GTF2E2: variants seen among roughly 807,000 people sequenced by gnomAD.
GTF2E2 encodes general transcription factor IIE subunit 2.
Under a neutral mutation model 40.5 loss-of-function variants are expected in GTF2E2, and 21 were observed. That is an observed-to-expected ratio of 0.52 (90% CI 0.37 to 0.75). The LOEUF (loss-of-function observed/expected upper bound fraction) is 0.75. GTF2E2 is among the 30% of genes least tolerant of loss of function. GTF2E2 has a pLI of 0.00. For synonymous variants in GTF2E2, 117 were observed against 121.6 expected (o/e 0.96, Z 0.25); for missense variants, 298 against 338.4 (o/e 0.88, Z 0.94).
intron 3 of GTF2E2, among the ~76,000 whole-genome samples, chr8:30,630,648 T>C (rs1585984852): frequency 6.6e-6 from 1 of 152,046 alleles, no homozygotes; most frequent in Admixed American, 6.6e-5. Flanking sequence ...TCACCTCCAT[T>C]CAGAATTTGT....
At chr8:30,654,168 T>C (rs889348794) in intron 1 of GTF2E2, among the ~76,000 whole-genome samples, 2 of 151,876 alleles carry the variant, frequency 1.3e-5, no homozygotes, top group Admixed American at 6.6e-5. Context: ...TCCAATATAT[T>C]AGCCACTAGC....
intron 3 of GTF2E2, among the ~76,000 whole-genome samples, chr8:30,617,402 GC>G (rs893140329): frequency 2.0e-5 from 3 of 152,162 alleles, no homozygotes; most frequent in African/African-American, 7.2e-5. Flanking sequence ...TGCCTTTAGA[GC>G]AGAAGAGCTC....
At chr8:30,643,270 C>G (rs1299496843) in intron 2 of GTF2E2, among the ~76,000 whole-genome samples, 1 of 152,040 alleles carries the variant, frequency 6.6e-6, no homozygotes, top group African/African-American at 2.4e-5. Context: ...TCTAGGTGAA[C>G]GATGCCTTGA....
chr8:30,650,524 T>C (rs1231475341), intron 2 of GTF2E2, among the ~76,000 whole-genome samples: 30 of 41,908 alleles, frequency 7.2e-4, no homozygotes, highest in East Asian at 1.6e-3. Context: ...ACCCCATCTC[T>C]ACCAAAAAAA....
chr8:30,606,820 G>C (rs911681784), intron 6 of GTF2E2, among the ~76,000 whole-genome samples: 9 of 152,124 alleles, frequency 5.9e-5, no homozygotes, highest in Admixed American at 2.0e-4. Flanking sequence ...TAAACATTAA[G>C]AAATCCTGAA....
chr8:30,601,978 A>C (rs1829192578), intron 6 of GTF2E2, among the ~76,000 whole-genome samples: 1 of 151,524 alleles, frequency 6.6e-6, no homozygotes, highest in Admixed American at 6.6e-5. Flanking sequence ...CATTCCATTT[A>C]CATTCTAGGG....
intron 6 of GTF2E2, 123 bp from the exon 7 acceptor site, chr8:30,580,519 T>G (rs1257716969): frequency 4.6e-6 from 3 of 648,528 alleles, no homozygotes; most frequent in Non-Finnish European, 8.3e-6. Flanking sequence ...TATGTCATCA[T>G]GAAACAAGTC....
At chr8:30,638,824 G>A (rs1801702829) in intron 2 of GTF2E2, among the ~76,000 whole-genome samples, 1 of 152,146 alleles carries the variant, frequency 6.6e-6, no homozygotes, top group African/African-American at 2.4e-5. Context: ...TGTGCTATTT[G>A]ATAAGCACCC....
chr8:30,612,400 C>T lies in GTF2E2; in HGVS notation c.448G>A (p.Ala150Thr). 3 of 1,611,392 alleles carry T rather than the reference C, an allele frequency of 1.9e-6. No homozygotes were observed. Among genetic ancestry groups the T allele is most frequent in the Non-Finnish European group, 2.5e-6 (3 of 1,177,600 alleles). ...TGCTGATCTAAGAGCCTAAGTAGGGCCTTCTTATCTCTCACGTTGTACTTG... is the reference window on the plus strand; with the variant it reads ...TGCTGATCTAAGAGCCTAAGTAGGGTCTTCTTATCTCTCACGTTGTACTTG... ...KPKYNVRDKK[A>T]LLRLLDQHDQ... is the part of the protein sequence containing the mutation. The change falls in exon 5 of 8, where the codon GCC (alanine) becomes ACC (threonine). Residue 150 changes from alanine (A) to threonine (T), a missense_variant. Transcript: ENST00000355904.
At chr8:30,636,857 T>TAAAAA in intron 2 of GTF2E2, 1 of 295,560 alleles carries the variant, frequency 3.4e-6, no homozygotes, top group South Asian at 2.5e-5. Context: ...GTCTCAAAAT[T>TAAAAA]AAAAAAAAAA....
intron 1 of GTF2E2, among the ~76,000 whole-genome samples, chr8:30,655,294 T>C (rs1193191800): frequency 6.6e-6 from 1 of 151,908 alleles, no homozygotes; most frequent in East Asian, 1.9e-4. Context: ...GTTCTAAAAT[T>C]ACAACTCAAA....
intron 6 of GTF2E2, among the ~76,000 whole-genome samples, chr8:30,604,534 T>A (rs1297020788): frequency 1.3e-5 from 2 of 152,242 alleles, no homozygotes; most frequent in Non-Finnish European, 2.9e-5. Context: ...CACAGTGGAA[T>A]ACTAACCAGC....
At chr8:30,579,721 C>A (rs1427734155) in intron 7 of GTF2E2, among the ~76,000 whole-genome samples, 2 of 152,096 alleles carry the variant, frequency 1.3e-5, no homozygotes, top group Non-Finnish European at 2.9e-5. Flanking sequence ...GTGAATCATC[C>A]CCCCGGGCTT....
intron 7 of GTF2E2, 59 bp from the exon 8 acceptor site, chr8:30,579,096 A>C: frequency 2.2e-6 from 2 of 912,834 alleles, no homozygotes; most frequent in South Asian, 2.6e-5. Flanking sequence ...TGGTGTGGCC[A>C]GGATGTTCTG....
At chr8:30,614,849 A>T in intron 3 of GTF2E2, 134 bp from the exon 4 acceptor site, 1 of 580,740 alleles carries the variant, frequency 1.7e-6, no homozygotes, top group Non-Finnish European at 3.0e-6. Flanking sequence ...AGTGACGAAG[A>T]GCCATAGACC....
chr8:30,614,935 C>T (rs922958124), intron 3 of GTF2E2, among the ~76,000 whole-genome samples: 2 of 151,754 alleles, frequency 1.3e-5, no homozygotes, highest in Admixed American at 6.6e-5. Flanking sequence ...ATATGCAACT[C>T]GTATCACCAA....
intron 6 of GTF2E2, among the ~76,000 whole-genome samples, chr8:30,599,118 T>C (rs540718540): frequency 6.6e-6 from 1 of 152,346 alleles, no homozygotes; most frequent in Admixed American, 6.5e-5. Context: ...TTCTCATTTA[T>C]TACTGTGGAG....
intron 6 of GTF2E2, among the ~76,000 whole-genome samples, chr8:30,590,425 A>T (rs1828812122): frequency 6.6e-6 from 1 of 152,228 alleles, no homozygotes. Context: ...AATTTGGGTT[A>T]ACACCCAAGA....
At chr8:30,598,257 T>C (rs1030436728) in intron 6 of GTF2E2, among the ~76,000 whole-genome samples, 5 of 152,206 alleles carry the variant, frequency 3.3e-5, no homozygotes, top group Admixed American at 6.5e-5. Context: ...AAAACAGAAA[T>C]TTCTTTGCCT....
Sources: gnomAD v4.1 joint callset for allele counts (sites outside exome capture counted in the v4.1 genomes callset) on GRCh38, gnomAD v4.1.1 for gene constraint, MANE v1.5 for transcripts, NCBI Gene and HGNC (gene_info 2026-07-23, HGNC 2026-07-21) for gene names.